CAMSAP1: variants seen among roughly 807,000 people sequenced by gnomAD.
The protein encoded by CAMSAP1 is calmodulin-regulated spectrin-associated protein 1.
Under a neutral mutation model 143.5 loss-of-function variants are expected in CAMSAP1, and 58 were observed. The ratio of observed to expected loss-of-function variants is 0.40; its 90% CI spans 0.33 to 0.50. The LOEUF (loss-of-function observed/expected upper bound fraction) is 0.50, where lower values mean the gene tolerates loss of function less well. CAMSAP1 is among the 20% of genes least tolerant of loss of function. CAMSAP1 has a pLI of 0.45. For synonymous variants in CAMSAP1, 945 were observed against 859.3 expected (o/e 1.10, Z -1.74); for missense variants, 1,969 against 2,115.7 (o/e 0.93, Z 1.36).
Position 135,821,181 on chromosome 9 carries a change from T to C in CAMSAP1, c.3480A>G (p.Pro1160=). Residue 1160 remains proline, a synonymous_variant, in exon 11 of 17, where the codon CCA becomes CCG. Transcript: ENST00000389532. The surrounding 1 kb of genome is among the most constrained non-coding windows in gnomAD (Gnocchi z 4.6). ...AACTGTCGAAGAGACACTTCCCATGTGGGTCACCACTGGGCTCCAGGGCAC... is the reference window on the plus strand; with the variant it reads ...AACTGTCGAAGAGACACTTCCCATGCGGGTCACCACTGGGCTCCAGGGCAC... The part of the protein sequence containing the change: ...LDSALEPSGD[P]HGKCLFDSYR... The C allele has an allele frequency of 1.2e-6, 2 of 1,610,588 alleles. No individual in the cohort carries two copies. The highest frequency in any genetic ancestry group is 8.5e-7 in the Non-Finnish European group (1 of 1,179,890).
At chr9:135,899,907 GCCT>G (rs1838566579) in intron 1 of CAMSAP1, among the ~76,000 whole-genome samples, 1 of 152,120 alleles carries the variant, frequency 6.6e-6, no homozygotes, top group Non-Finnish European at 1.5e-5. Flanking sequence ...TAGAGAGCCA[GCCT>G]CCTCAAGCCC....
Position 135,827,969 on chromosome 9 carries a change from A to T in CAMSAP1, c.1046-385T>A, listed in dbSNP as rs377227853. Among the ~76,000 whole-genome samples, 964 of 152,316 alleles carry T rather than the reference A, an allele frequency of 6.3e-3. 4 individuals carry two copies. Among genetic ancestry groups the T allele is most frequent in the African/African-American group, 0.022 (896 of 41,586 alleles). On this transcript the variant is annotated intron_variant, in intron 7 of 16. Coordinates refer to ENST00000389532, the MANE Select transcript of CAMSAP1 (RefSeq NM_015447.4). ...TGCCCACCACCCAGGCTCCTGGGAG[A>T]AGGCTTGGGGCTCAGCTCCAGAGAG...
rs191535308 is a variant in CAMSAP1 at position 135,855,837 on chromosome 9, G to T, written c.809-5376C>A. On this transcript the variant is annotated intron_variant, in intron 5 of 16. Coordinates refer to ENST00000389532, the MANE Select transcript of CAMSAP1 (RefSeq NM_015447.4). The stretch of plus-strand genomic sequence containing the variant: ...GGAGGCCGAGGCGGGCGGATCACAA[G>T]GTCAGGAGATCAAGACCATCCTGGC... Among the ~76,000 whole-genome samples the T allele has an allele frequency of 4.6e-3, 704 of 151,956 alleles. 1 individual carries two copies. Among genetic ancestry groups the T allele is most frequent in the Non-Finnish European group, 7.9e-3 (540 of 67,960 alleles).
intron 14 of CAMSAP1, among the ~76,000 whole-genome samples, chr9:135,816,717 C>T (rs982840685): frequency 3.3e-5 from 5 of 152,174 alleles, no homozygotes; most frequent in Admixed American, 6.5e-5. Flanking sequence ...CAAGAAAACA[C>T]GGCCCACAGG....
chr9:135,810,522 C>G lies in CAMSAP1; in HGVS notation c.*787G>C, dbSNP rs1012343415. ...GGCTGCAGTTGGCTCGGCTTGCCTACTTTAAATGAGGCAAACATCAGCTCC... is the reference window on the plus strand; with the variant it reads ...GGCTGCAGTTGGCTCGGCTTGCCTAGTTTAAATGAGGCAAACATCAGCTCC... On this transcript the variant is annotated 3_prime_UTR_variant, in exon 17 of 17. Transcript: ENST00000389532. The G allele has an allele frequency of 6.6e-6, 1 of 152,628 alleles. No individual in the cohort carries two copies. The allele number at this position is 152,628 out of a possible 1,614,324, so 9.5% of individuals were successfully genotyped here.
Position 135,897,809 on chromosome 9 carries a change from T to C in CAMSAP1, c.160+9191A>G, listed in dbSNP as rs537419019. On this transcript the variant is annotated intron_variant, in intron 1 of 16. Transcript: ENST00000389532. Reference sequence around the variant, plus strand: ...AGAACAGCATGCGATTTAAAACTTATGAATTATTTCTAAATTTTCCATGTA... The same window carrying C: ...AGAACAGCATGCGATTTAAAACTTACGAATTATTTCTAAATTTTCCATGTA... Among the ~76,000 whole-genome samples, 198 of 152,202 alleles carry C rather than the reference T, an allele frequency of 1.3e-3. 1 individual carries two copies. The highest frequency in any genetic ancestry group is 2.3e-3 in the Non-Finnish European group (154 of 68,038).
rs752384579 is a variant in CAMSAP1 at position 135,820,854 on chromosome 9, G to T, written c.3807C>A (p.Val1269=). 1.9e-6 allele frequency: 3 copies of T among 1,612,918 alleles called. No individual in the cohort carries two copies. The highest frequency in any genetic ancestry group is 2.5e-6 in the Non-Finnish European group (3 of 1,179,868). Residue 1269 remains valine, a synonymous_variant, in exon 11 of 17, where the codon GTC becomes GTA. Coordinates refer to ENST00000389532, the MANE Select transcript of CAMSAP1 (RefSeq NM_015447.4). The surrounding 1 kb of genome is among the most constrained non-coding windows in gnomAD (Gnocchi z 4.4). ...AATCCCTTACCTTGAAGAAGAAGCC[G>T]ACCCCCGGCTTCTGGTCGCCTTCGC... ...LVSEGDQKPG[V]GFFFKDEQKA... is the part of the protein sequence containing the mutation.
At position 135,818,205 on chromosome 9, in the gene CAMSAP1, T is replaced by C. The variant is rs1297009112; in HGVS notation, c.4169-126A>G. 5.1e-6 allele frequency: 6 copies of C among 1,172,096 alleles called. No individual in the cohort carries two copies. The East Asian group carries it at 1.5e-4, about 30-fold the overall frequency. 72.6% of individuals were successfully genotyped at this position (1,172,096 alleles called of 1,614,324 possible). A position where few individuals can be genotyped will look rare whatever the true frequency, so the allele number is the denominator to read the frequency against. On this transcript the variant is annotated intron_variant, in intron 13 of 16. Transcript: ENST00000389532. The surrounding 1 kb of genome is among the most constrained non-coding windows in gnomAD (Gnocchi z 7.7). ...CCACACAGGCCGCGTCCCCACCCCA[T>C]CCCGGGGAGCCGGGCTGCGCCTGGA... is the stretch of plus-strand genomic sequence containing the variant.
intron 3 of CAMSAP1, among the ~76,000 whole-genome samples, chr9:135,875,159 C>G (rs905928699): frequency 9.2e-5 from 14 of 152,048 alleles, no homozygotes; most frequent in African/African-American, 3.4e-4. Context: ...AGCTGACAAG[C>G]TGACTCTAAA....
Position 135,822,041 on chromosome 9 carries a change from G to A in CAMSAP1, c.2620C>T (p.Leu874=). 6.2e-7 allele frequency: 1 copy of A among 1,612,602 alleles called. No homozygotes were observed. The highest frequency in any genetic ancestry group is 1.1e-5 in the South Asian group (1 of 91,076). ...SQHGKDPASL[L]ASELVQLHMQ... ...TGCAGCTGTACCAGCTCAGATGCCAGGAGGCTGGCGGGATCCTTGCCATGC... is the reference window on the plus strand; with the variant it reads ...TGCAGCTGTACCAGCTCAGATGCCAAGAGGCTGGCGGGATCCTTGCCATGC... Residue 874 remains leucine, a synonymous_variant, in exon 11 of 17, where the codon CTG becomes TTG. Coordinates refer to ENST00000389532, the MANE Select transcript of CAMSAP1 (RefSeq NM_015447.4). The surrounding 1 kb of genome is among the most constrained non-coding windows in gnomAD (Gnocchi z 6.1).
Position 135,823,130 on chromosome 9 carries a change from G to A in CAMSAP1, c.1531C>T (p.Leu511=). The change falls in exon 11 of 17, where the codon CTG becomes TTG. Residue 511 remains leucine, a synonymous_variant. Transcript: ENST00000389532. ...KDSLASNIVN[L]TPQNQPHPTA... Reference sequence around the variant, plus strand: ...GGGTGTGGCTGGTTCTGTGGGGTCAGATTAACAATGTTGGATGCCAAACTG... The same window carrying A: ...GGGTGTGGCTGGTTCTGTGGGGTCAAATTAACAATGTTGGATGCCAAACTG... 6.2e-7 allele frequency: 1 copy of A among 1,613,780 alleles called. No homozygotes were observed. Among genetic ancestry groups the A allele is most frequent in the Non-Finnish European group, 8.5e-7 (1 of 1,179,736 alleles).
rs569253465 is a variant in CAMSAP1, at chr9:135,882,476, A to G, written c.423+340T>C. ...TGAGTTATTTTAGCACAAAGTATGC[A>G]TGAAACAACCTAACAGAATGGGTGC... On this transcript the variant is annotated intron_variant, in intron 2 of 16. Transcript: ENST00000389532. This position sits in a 1 kb window ranked among gnomAD's most constrained non-coding sequence, Gnocchi z 4.9. Among the ~76,000 whole-genome samples the G allele has an allele frequency of 6.6e-6, 1 of 152,224 alleles. No individual in the cohort carries two copies. Among genetic ancestry groups the G allele is most frequent in the Non-Finnish European group, 1.5e-5 (1 of 68,042 alleles).
At chr9:135,899,446 A>G (rs1352324868) in intron 1 of CAMSAP1, among the ~76,000 whole-genome samples, 1 of 151,926 alleles carries the variant, frequency 6.6e-6, no homozygotes. Context: ...GTCCAAAACA[A>G]AAGTCTTCAC....
chr9:135,881,865 G>C, intron 2 of CAMSAP1, 71 bp from the exon 3 acceptor site: 1 of 1,514,228 alleles, frequency 6.6e-7, no homozygotes, highest in South Asian at 1.2e-5. Context: ...CAGGGAACCT[G>C]CTCATACTCA....
chr9:135,879,341 C>T (rs1837856285), intron 3 of CAMSAP1, among the ~76,000 whole-genome samples: 1 of 152,148 alleles, frequency 6.6e-6, no homozygotes, highest in South Asian at 2.1e-4. Flanking sequence ...TGAAAAGTCA[C>T]TTACAAATGC....
Position 135,822,172 on chromosome 9 carries a change from G to T in CAMSAP1, c.2489C>A (p.Thr830Asn). ...CTGGGAGCTGCTGGTGCTGGACTTG[G>T]TCTCACAGCTGTTGAGTCTCTGGAG... is the stretch of plus-strand genomic sequence containing the variant. ...RKLQRLNSCE[T>N]KSSTSSSQKT... The change falls in exon 11 of 17, where the codon ACC becomes AAC. Residue 830 changes from threonine (T) to asparagine (N), a missense_variant. Coordinates refer to ENST00000389532, the MANE Select transcript of CAMSAP1 (RefSeq NM_015447.4). This position sits in a 1 kb window ranked among gnomAD's most constrained non-coding sequence, Gnocchi z 6.1. The T allele has an allele frequency of 6.2e-7, 1 of 1,613,828 alleles. No individual in the cohort carries two copies.
In CAMSAP1 at chr9:135,822,570, C is replaced by T. The variant is rs537264920; in HGVS notation, c.2091G>A (p.Thr697=). The T allele has an allele frequency of 1.4e-5, 22 of 1,613,714 alleles. No individual in the cohort carries two copies. The highest frequency in any genetic ancestry group is 5.3e-5 in the African/African-American group (4 of 74,992). Residue 697 remains threonine, a synonymous_variant, in exon 11 of 17, where the codon ACG becomes ACA. Coordinates refer to ENST00000389532, the MANE Select transcript of CAMSAP1 (RefSeq NM_015447.4). The surrounding 1 kb of genome is among the most constrained non-coding windows in gnomAD (Gnocchi z 6.1). ...GFDPFPQGPS[T]DGFFLHVGRA... The stretch of plus-strand genomic sequence containing the variant: ...TGCCTACATGAAGGAAGAAGCCATC[C>T]GTGGATGGTCCCTGGGGGAACGGAT...
In CAMSAP1 at chr9:135,810,082, TGC is replaced by T. The variant is rs1834989450; in HGVS notation, c.*1225_*1226del. 1.3e-5 allele frequency: 2 copies of T among 152,636 alleles called. No homozygotes were observed. The allele number at this position is 152,636 out of a possible 1,614,324, so 9.5% of individuals were successfully genotyped here. ...CAGAATCTTCCGGCAGCTGGTCAGT[TGC>T]AGCAGTGTCTGGCAGCCATGGCTGG... is the stretch of plus-strand genomic sequence containing the variant. On this transcript the variant is annotated 3_prime_UTR_variant, in exon 17 of 17. Transcript: ENST00000389532.
chr9:135,834,671 C>G (rs565167728), intron 7 of CAMSAP1, among the ~76,000 whole-genome samples: 2 of 152,120 alleles, frequency 1.3e-5, no homozygotes, highest in Admixed American at 1.3e-4. Flanking sequence ...TCAAAGGGCA[C>G]CAAGTTTCCA....
Sources: allele counts gnomAD v4.1 joint callset (sites outside exome capture counted in the v4.1 genomes callset), GRCh38; gene constraint gnomAD v4.1.1; non-coding constraint Gnocchi (gnomAD v3.1); transcripts MANE v1.5; gene names NCBI Gene and HGNC (gene_info 2026-07-23, HGNC 2026-07-21).